TCF4: variants seen among roughly 807,000 people sequenced by gnomAD.
TCF4 encodes the protein transcription factor 4, also known as SL3-3 enhancer factor 2.
TCF4 carries 3 observed loss-of-function variants against 82.1 expected under a neutral mutation model. That is an observed-to-expected ratio of 0.04 (90% CI 0.02 to 0.09). The LOEUF is 0.09. Among genes scored for constraint, TCF4 ranks in the 10% least tolerant of loss-of-function variants. The pLI is 1.00. For synonymous variants in TCF4, 276 were observed against 309.6 expected (o/e 0.89, Z 1.14); for missense variants, 518 against 852.7 (o/e 0.61, Z 4.89).
chr18:55,614,314 T>G (rs1273279799), intron 2 of TCF4, among the ~76,000 whole-genome samples: 1 of 152,232 alleles, frequency 6.6e-6, no homozygotes, highest in Admixed American at 6.5e-5. Context: ...TATGGTTAGG[T>G]GTGTGTCTTA....
Position 55,380,530 on chromosome 18 carries a change from C to G in TCF4, c.369+22924G>C, listed in dbSNP as rs143677964. 5.8e-4 allele frequency among the ~76,000 whole-genome samples: 88 copies of G among 152,274 alleles called. 2 individuals are homozygous for G. The East Asian group carries it at 0.016, about 28-fold the overall frequency. ...CAATCATCTCCCAAAGGCTTCACCT[C>G]CTAACACCATCCCACTGGGGATTAA... is the stretch of plus-strand genomic sequence containing the variant. On this transcript the variant is annotated intron_variant, in intron 6 of 19. Transcript: ENST00000354452.
rs200096408 is a variant in TCF4 at position 55,228,345 on chromosome 18, C to T, written c.1896G>A (p.Pro632=). Residue 632 remains proline (P), a synonymous_variant, in exon 19 of 20, where the codon CCG becomes CCA. Transcript: ENST00000354452. ...CCCTTCTTTTCAGACACGCAGCTTT[C>T]GGATTCAGATTCCTTTCTGTGGAGG... ...EQQVRERNLN[P]KAACLKRREE... is the part of the protein sequence containing the mutation. 21 of 1,614,060 alleles carry T rather than the reference C, an allele frequency of 1.3e-5. No individual in the cohort carries two copies. Among genetic ancestry groups the T allele is most frequent in the East Asian group, 8.9e-5 (4 of 44,882 alleles).
chr18:55,308,264 T>C (rs555138425), intron 8 of TCF4, among the ~76,000 whole-genome samples: 1 of 152,350 alleles, frequency 6.6e-6, no homozygotes, highest in East Asian at 1.9e-4. Context: ...AGTAAATACA[T>C]ATTTTTAAAA....
chr18:55,489,313 C>A (rs2145768820), intron 3 of TCF4, among the ~76,000 whole-genome samples: 1 of 152,294 alleles, frequency 6.6e-6, no homozygotes, highest in Non-Finnish European at 1.5e-5. Flanking sequence ...CCTCTGCCCA[C>A]CCCTTGACCT....
chr18:55,414,698 C>T (rs1430851969), intron 5 of TCF4, among the ~76,000 whole-genome samples: 2 of 152,160 alleles, frequency 1.3e-5, no homozygotes, highest in South Asian at 4.1e-4. Flanking sequence ...GAGAGGCTGA[C>T]ACTCTTCCTC....
chr18:55,571,069 C>A (rs1239704040), intron 3 of TCF4, among the ~76,000 whole-genome samples: 2 of 151,996 alleles, frequency 1.3e-5, no homozygotes, highest in Non-Finnish European at 2.9e-5. Context: ...ACCAACAATT[C>A]TACTCATAGA....
chr18:55,299,434 G>C (rs1007414150), intron 8 of TCF4, among the ~76,000 whole-genome samples: 1 of 151,280 alleles, frequency 6.6e-6, no homozygotes, highest in African/African-American at 2.4e-5. Context: ...AAGCTTTCTT[G>C]GGGGAGCATG....
intron 2 of TCF4, among the ~76,000 whole-genome samples, chr18:55,621,797 ATATGT>A (rs1368425477): frequency 9.3e-4 from 84 of 90,114 alleles, no homozygotes; most frequent in African/African-American, 3.4e-3. Context: ...ATTATATATT[ATATGT>A]TATATTATAT....
At chr18:55,627,934 C>A (rs1276165967) in intron 2 of TCF4, among the ~76,000 whole-genome samples, 1 of 152,118 alleles carries the variant, frequency 6.6e-6, no homozygotes, top group African/African-American at 2.4e-5. Flanking sequence ...GTGGCAGGCG[C>A]CTGTAGTCCC....
chr18:55,506,553 G>A (rs760976632), intron 3 of TCF4, among the ~76,000 whole-genome samples: 10 of 151,806 alleles, frequency 6.6e-5, no homozygotes, highest in Non-Finnish European at 1.3e-4. Flanking sequence ...ATGTCCACAT[G>A]CAACACACAC....
intron 2 of TCF4, among the ~76,000 whole-genome samples, chr18:55,596,728 G>A (rs947399241): frequency 9.2e-5 from 14 of 152,180 alleles, no homozygotes; most frequent in Admixed American, 4.6e-4. Flanking sequence ...ATGGCATAAC[G>A]GAAAATACTA....
intron 15 of TCF4, among the ~76,000 whole-genome samples, chr18:55,242,275 A>G (rs1005392621): frequency 2.6e-5 from 4 of 152,118 alleles, no homozygotes; most frequent in African/African-American, 2.4e-5. Flanking sequence ...ATAAACTTCA[A>G]TAAGTTTGTT....
At chr18:55,525,733 T>C (rs2096976057) in intron 3 of TCF4, among the ~76,000 whole-genome samples, 1 of 152,156 alleles carries the variant, frequency 6.6e-6, no homozygotes, top group African/African-American at 2.4e-5. Context: ...AACTTGCACA[T>C]GTAGCAAATG....
chr18:55,396,948 T>C (rs1056531677), intron 6 of TCF4, among the ~76,000 whole-genome samples: 5 of 152,172 alleles, frequency 3.3e-5, no homozygotes, highest in Admixed American at 3.3e-4. Context: ...GAAGGAATGA[T>C]GGAATTTTAA....
In TCF4 at chr18:55,510,660, C is replaced by T. The variant is rs765007602; in HGVS notation, c.146-46523G>A. 6.8e-5 allele frequency: 102 copies of T among 1,492,696 alleles called. No homozygotes were observed. The Admixed American group carries it at 8.2e-4, about 12-fold the overall frequency. 92.5% of individuals were successfully genotyped at this position (1,492,696 alleles called of 1,614,324 possible). A position where few individuals can be genotyped will look rare whatever the true frequency, so the allele number is the denominator to read the frequency against. Reference sequence around the variant, plus strand: ...TGATTAAAATTCTAAAATACTACTTCGTAAACTTTTAAAGTTTGTGAACTG... The same window carrying T: ...TGATTAAAATTCTAAAATACTACTTTGTAAACTTTTAAAGTTTGTGAACTG... On this transcript the variant is annotated intron_variant, in intron 3 of 19. Coordinates refer to ENST00000354452, the MANE Select transcript of TCF4 (RefSeq NM_001083962.2).
At chr18:55,332,769 C>T (rs1362884993) in intron 8 of TCF4, among the ~76,000 whole-genome samples, 1 of 152,232 alleles carries the variant, frequency 6.6e-6, no homozygotes, top group Non-Finnish European at 1.5e-5. Flanking sequence ...TGAGTGAAAA[C>T]TTCTGACTCA....
At chr18:55,472,211 G>C (rs1031350953) in intron 3 of TCF4, among the ~76,000 whole-genome samples, 6 of 152,174 alleles carry the variant, frequency 3.9e-5, no homozygotes, top group African/African-American at 1.2e-4. Flanking sequence ...CAGATAATGA[G>C]AAAGTAACAA....
chr18:55,508,927 T>G (rs1603617651), intron 3 of TCF4, among the ~76,000 whole-genome samples: 1 of 152,338 alleles, frequency 6.6e-6, no homozygotes, highest in South Asian at 2.1e-4. Flanking sequence ...AATCGTATTT[T>G]TATTAACTGT....
intron 6 of TCF4, among the ~76,000 whole-genome samples, chr18:55,354,275 G>A (rs1000734250): frequency 6.6e-6 from 1 of 152,150 alleles, no homozygotes; most frequent in Non-Finnish European, 1.5e-5. Context: ...TTCCTAACTT[G>A]GCCATTCAAA....
Sources: gnomAD v4.1 joint callset for allele counts (sites outside exome capture counted in the v4.1 genomes callset) on GRCh38, gnomAD v4.1.1 for gene constraint, MANE v1.5 for transcripts, NCBI Gene and HGNC (gene_info 2026-07-23, HGNC 2026-07-21) for gene names.